FRA10AC1: variants seen among roughly 807,000 people sequenced by gnomAD.
The protein encoded by FRA10AC1 is protein FRA10AC1.
Under a neutral mutation model 56.5 loss-of-function variants are expected in FRA10AC1, and 43 were observed. The ratio of observed to expected loss-of-function variants is 0.76; its 90% CI spans 0.60 to 0.98. The LOEUF is 0.98. Ranked by LOEUF, FRA10AC1 falls within the 50% of genes least tolerant of loss-of-function variation. The pLI is 0.00. For missense variants in FRA10AC1, 346 were observed against 351.8 expected, an observed-to-expected ratio of 0.98 and a Z score of 0.13; for synonymous variants, 112 against 110.5, an observed-to-expected ratio of 1.01 and a Z score of -0.09.
chr10:93,685,975 C>A (rs2059020207), intron 8 of FRA10AC1, among the ~76,000 whole-genome samples: 1 of 151,790 alleles, frequency 6.6e-6, no homozygotes, highest in South Asian at 2.1e-4. Context: ...ATTAACATCA[C>A]ACACATTACC....
chr10:93,701,503 T>A (rs1402203417), intron 1 of FRA10AC1, among the ~76,000 whole-genome samples: 1 of 152,170 alleles, frequency 6.6e-6, no homozygotes, highest in Non-Finnish European at 1.5e-5. Flanking sequence ...AATCTTTAAA[T>A]AACCTTTAAA....
At position 93,695,733 on chromosome 10, in the gene FRA10AC1, G is replaced by GA. The variant is rs1025185850; in HGVS notation, c.220-797dup. 3.8e-3 allele frequency among the ~76,000 whole-genome samples: 535 copies of GA among 140,584 alleles called. 3 individuals carry two copies. Among genetic ancestry groups the GA allele is most frequent in the African/African-American group, 0.012 (458 of 38,484 alleles). 92.2% of individuals were successfully genotyped at this position (140,584 alleles called of 152,430 possible). On this transcript the variant is annotated intron_variant, in intron 4 of 13. Coordinates refer to ENST00000359204, the MANE Select transcript of FRA10AC1 (RefSeq NM_145246.5). Reference sequence around the variant, plus strand: ...TGTAACAAACCAGTTAATATTTCAGGAAAAAAAAAAAAGAGAGAGACAGAA... The same window carrying GA: ...TGTAACAAACCAGTTAATATTTCAGGAAAAAAAAAAAAAGAGAGAGACAGAA...
At position 93,685,117 on chromosome 10, in the gene FRA10AC1, A is replaced by C. The variant is rs890024265; in HGVS notation, c.625+129T>G. The C allele has an allele frequency of 1.2e-5, 7 of 583,406 alleles. No individual in the cohort carries two copies. In the African/African-American group the frequency reaches 1.4e-4, roughly 12 times the overall value. 36.1% of individuals were successfully genotyped at this position (583,406 alleles called of 1,614,324 possible). A position where few individuals can be genotyped will look rare whatever the true frequency, so the allele number is the denominator to read the frequency against. On this transcript the variant is annotated intron_variant, in intron 9 of 13. Transcript: ENST00000359204. ...TGAAAAGTTCTTTGAGACTTTGGGA[A>C]GCTCCAAGAAAAAAGAGCACTTCCA...
At chr10:93,676,790 T>C (rs1032226678) in intron 11 of FRA10AC1, 99 bp from the exon 12 acceptor site, 6 of 1,405,492 alleles carry the variant, frequency 4.3e-6, no homozygotes, top group African/African-American at 1.5e-5. Flanking sequence ...AGTTTGCTTA[T>C]AGTCTTACAG....
rs531814278 is a variant in FRA10AC1 at position 93,691,222 on chromosome 10, C to A, written c.465+787G>T. 1.7e-4 allele frequency among the ~76,000 whole-genome samples: 26 copies of A among 152,262 alleles called. No homozygotes were observed. The South Asian group carries it at 5.0e-3, about 29-fold the overall frequency. On this transcript the variant is annotated intron_variant, in intron 7 of 13. Transcript: ENST00000359204. ...TTTTAGAGTCTCACTGTCACCCACA[C>A]TGAAATGCAGTGGCACGATCATAGC...
In FRA10AC1 at chr10:93,692,638, C is replaced by T. The variant is rs769366235; in HGVS notation, c.380+8G>A. The T allele has an allele frequency of 3.2e-6, 5 of 1,563,268 alleles. No homozygotes were observed. The South Asian group carries it at 5.7e-5, about 18-fold the overall frequency. On this transcript the variant is annotated splice_region_variant and intron_variant, in intron 6 of 13. Coordinates refer to ENST00000359204, the MANE Select transcript of FRA10AC1 (RefSeq NM_145246.5). ...ATTTGATGCATTACGCCTCTGATGG[C>T]TAATTACCAAGTCATGTCCATTTCG...
chr10:93,701,337 C>A (rs1339351231), intron 1 of FRA10AC1, among the ~76,000 whole-genome samples: 3 of 152,144 alleles, frequency 2.0e-5, no homozygotes, highest in Non-Finnish European at 2.9e-5. Context: ...GCAAGTGCAG[C>A]TGGAAAAAGA....
chr10:93,671,240 A>C (rs1389783404), intron 12 of FRA10AC1: 1 of 170,682 alleles, frequency 5.9e-6, no homozygotes, highest in East Asian at 1.5e-4. Flanking sequence ...ACATGTTTAC[A>C]TTAGGATTAG....
chr10:93,669,671 C>A lies in FRA10AC1; in HGVS notation c.*155G>T. 1 of 607,640 alleles carries A rather than the reference C, an allele frequency of 1.6e-6. No homozygotes were observed. Among genetic ancestry groups the A allele is most frequent in the East Asian group, 3.0e-5 (1 of 33,798 alleles). The allele number at this position is 607,640 out of a possible 1,614,324, so 37.6% of individuals were successfully genotyped here. A position where few individuals can be genotyped will look rare whatever the true frequency, so the allele number is the denominator to read the frequency against. On this transcript the variant is annotated 3_prime_UTR_variant, in exon 14 of 14. Coordinates refer to ENST00000359204, the MANE Select transcript of FRA10AC1 (RefSeq NM_145246.5). Reference sequence around the variant, plus strand: ...AATTGAACTAATGAACTTCCAAAGCCTCTGACATTCTGAGAGAACCTGGAT... The same window carrying A: ...AATTGAACTAATGAACTTCCAAAGCATCTGACATTCTGAGAGAACCTGGAT...
At chr10:93,676,623 A>G in intron 12 of FRA10AC1, 30 bp downstream of exon 12, 3 of 1,543,044 alleles carry the variant, frequency 1.9e-6, no homozygotes, top group Non-Finnish European at 2.6e-6. Flanking sequence ...TCAAATGCAT[A>G]TTTTTATTAA....
At position 93,685,355 on chromosome 10, in the gene FRA10AC1, T is replaced by C. The variant is rs117753873; in HGVS notation, c.516A>G (p.Gln172=). ...CACAATATTTATTTCCACAGAAAAA[T>C]TGACCTGCAGAAAGGAAAGGAATAT... ...VEKEVISGKG[Q]FFCGNKYCDK... is the part of the protein sequence containing the mutation. The change falls in exon 9 of 14, where the codon CAA becomes CAG. Residue 172 remains glutamine (Q), a synonymous_variant. Transcript: ENST00000359204. 5,567 of 1,400,764 alleles carry C rather than the reference T, an allele frequency of 4.0e-3. 16 individuals are homozygous for C. The highest frequency in any genetic ancestry group is 4.3e-3 in the Non-Finnish European group (4,273 of 991,348). 86.8% of individuals were successfully genotyped at this position (1,400,764 alleles called of 1,614,324 possible).
At chr10:93,677,379 A>C (rs557186385) in intron 11 of FRA10AC1, among the ~76,000 whole-genome samples, 2 of 152,308 alleles carry the variant, frequency 1.3e-5, no homozygotes, top group Admixed American at 6.5e-5. Context: ...AGGCCTCGTA[A>C]CCCAAAGTTT....
chr10:93,693,840 C>T (rs926515224), intron 5 of FRA10AC1, among the ~76,000 whole-genome samples: 15 of 151,512 alleles, frequency 9.9e-5, no homozygotes, highest in African/African-American at 3.4e-4. Context: ...AATCAAATAT[C>T]ATATGTTCTC....
At chr10:93,675,231 C>T (rs2058822239) in intron 12 of FRA10AC1, 1 of 152,124 alleles carries the variant, frequency 6.6e-6, no homozygotes, top group African/African-American at 2.4e-5. Flanking sequence ...CTATTTTTCT[C>T]AGTGCAAAAT....
chr10:93,694,753 G>T, intron 5 of FRA10AC1, 108 bp downstream of exon 5: 3 of 461,222 alleles, frequency 6.5e-6, no homozygotes, highest in South Asian at 2.2e-5. Context: ...AAGGCACACC[G>T]GAATAGAAAG....
intron 4 of FRA10AC1, among the ~76,000 whole-genome samples, chr10:93,695,832 T>C (rs2059224060): frequency 6.6e-6 from 1 of 152,100 alleles, no homozygotes; most frequent in Admixed American, 6.5e-5. Flanking sequence ...TGGCAAGTCA[T>C]GTAACCTATT....
intron 2 of FRA10AC1, 98 bp from the exon 3 acceptor site, chr10:93,698,494 G>T: frequency 3.0e-6 from 2 of 656,410 alleles, no homozygotes; most frequent in Non-Finnish European, 5.0e-6. Flanking sequence ...AAGAATGTAA[G>T]TCTTAACTTT....
In FRA10AC1 at chr10:93,685,207, T is replaced by C. The variant is rs751134115; in HGVS notation, c.625+39A>G. On this transcript the variant is annotated intron_variant, in intron 9 of 13. Coordinates refer to ENST00000359204, the MANE Select transcript of FRA10AC1 (RefSeq NM_145246.5). ...ATATATTTTTAAATTAAAGACAAAC[T>C]TGGAAGAATCAATCATATACCCCCT... 6.8e-6 allele frequency: 6 copies of C among 877,314 alleles called. No individual in the cohort carries two copies. The African/African-American group carries it at 8.7e-5, about 13-fold the overall frequency. The allele number at this position is 877,314 out of a possible 1,614,324, so 54.3% of individuals were successfully genotyped here.
At chr10:93,676,798 C>T (rs956292730) in intron 11 of FRA10AC1, 107 bp from the exon 12 acceptor site, 2 of 1,357,478 alleles carry the variant, frequency 1.5e-6, no homozygotes, top group Non-Finnish European at 9.6e-7. Flanking sequence ...TATAGTCTTA[C>T]AGATAAGCAC....
Sources: gnomAD v4.1 joint callset for allele counts (sites outside exome capture counted in the v4.1 genomes callset) on GRCh38, gnomAD v4.1.1 for gene constraint, MANE v1.5 for transcripts, NCBI Gene and HGNC (gene_info 2026-07-23, HGNC 2026-07-21) for gene names.